CHD2: variants seen among roughly 807,000 people sequenced by gnomAD.
CHD2 encodes the protein chromodomain helicase DNA binding protein 2, also known as ATP-dependent chromatin remodeler CHD2.
A neutral mutation model predicts 243.9 loss-of-function variants in CHD2; 28 were observed. The observed-to-expected ratio is 0.11, with a 90% CI of 0.09 to 0.16. The LOEUF (loss-of-function observed/expected upper bound fraction) is 0.16, where lower values mean the gene tolerates loss of function less well. Among genes scored for constraint, CHD2 ranks in the 10% least tolerant of loss-of-function variants. CHD2 has a pLI of 1.00. For missense variants in CHD2, 1,386 were observed against 2,209.8 expected (o/e 0.63, Z 7.47); for synonymous variants, 775 against 779.0 (o/e 0.99, Z 0.09).
intron 6 of CHD2, among the ~76,000 whole-genome samples, chr15:92,938,097 A>G (rs1326035214): frequency 3.3e-5 from 5 of 152,242 alleles, no homozygotes; most frequent in Non-Finnish European, 7.3e-5. Flanking sequence ...GAGTCAGAAG[A>G]CAGGCCCCAG....
intron 13 of CHD2, among the ~76,000 whole-genome samples, chr15:92,952,545 A>G (rs1167344399): frequency 6.6e-6 from 1 of 152,190 alleles, no homozygotes; most frequent in East Asian, 1.9e-4. Context: ...GATCCCTCAC[A>G]TGTGTAGTTC....
intron 26 of CHD2, among the ~76,000 whole-genome samples, chr15:92,990,507 A>T (rs1354678001): frequency 6.6e-6 from 1 of 152,080 alleles, no homozygotes; most frequent in Non-Finnish European, 1.5e-5. Flanking sequence ...GTCATTTCGG[A>T]AGTGTTGTTA....
At chr15:92,913,499 A>G (rs1455416646) in intron 2 of CHD2, among the ~76,000 whole-genome samples, 1 of 152,190 alleles carries the variant, frequency 6.6e-6, no homozygotes, top group Non-Finnish European at 1.5e-5. Flanking sequence ...GCTCCCCAAC[A>G]TCCAAGAGTG....
chr15:92,967,645 C>A, intron 17 of CHD2, 132 bp downstream of exon 17: 1 of 538,220 alleles, frequency 1.9e-6, no homozygotes, highest in South Asian at 4.6e-5. Flanking sequence ...GCTGCCTCAG[C>A]CTACCGAGTA....
rs182871188 is a variant in CHD2, at chr15:92,964,093, T to G, written c.2001-3232T>G. ...TTTGGAAAAATGTCATATATCCTTC[T>G]TTTGTAATTGGAGAGAGGAACTTTC... is the stretch of plus-strand genomic sequence containing the variant. On this transcript the variant is annotated intron_variant, in intron 16 of 38. Coordinates refer to ENST00000394196, the MANE Select transcript of CHD2 (RefSeq NM_001271.4). 8.5e-5 allele frequency among the ~76,000 whole-genome samples: 13 copies of G among 152,370 alleles called. No homozygotes were observed. In the East Asian group the frequency reaches 2.3e-3, roughly 27 times the overall value.
chr15:92,905,266 G>A (rs1382025350), intron 2 of CHD2, among the ~76,000 whole-genome samples: 1 of 152,150 alleles, frequency 6.6e-6, no homozygotes, highest in Admixed American at 6.5e-5. Context: ...TCCATTTCGG[G>A]AATTCTGAGT....
Position 92,977,250 on chromosome 15 carries a change from C to A in CHD2, c.2578-984C>A, listed in dbSNP as rs544770624. 5.9e-5 allele frequency among the ~76,000 whole-genome samples: 9 copies of A among 152,278 alleles called. No individual in the cohort carries two copies. The East Asian group carries it at 1.5e-3, about 26-fold the overall frequency. On this transcript the variant is annotated intron_variant, in intron 20 of 38. Transcript: ENST00000394196. ...GCCTGGACACTCCTGTTGATCACTT[C>A]TTTATTGGAATTGTTTAATTAAAAT...
intron 16 of CHD2, among the ~76,000 whole-genome samples, chr15:92,960,720 T>G (rs1482538443): frequency 5.6e-5 from 8 of 143,774 alleles, no homozygotes; most frequent in Admixed American, 3.5e-4. Context: ...TTTTTTTTTT[T>G]TTTTTTTTTT....
intron 3 of CHD2, among the ~76,000 whole-genome samples, chr15:92,925,229 A>G (rs2053036632): frequency 6.6e-6 from 1 of 152,228 alleles, no homozygotes; most frequent in African/African-American, 2.4e-5. Flanking sequence ...TCCTAAAATG[A>G]GAACTTCTAA....
intron 26 of CHD2, among the ~76,000 whole-genome samples, chr15:92,989,157 G>C (rs1356173189): frequency 6.6e-6 from 1 of 150,482 alleles, no homozygotes; most frequent in Admixed American, 6.7e-5. Context: ...TCAGCCTCCC[G>C]AGTAGCTGGG....
At position 92,984,389 on chromosome 15, in the gene CHD2, C is replaced by T. The variant is rs150268140; in HGVS notation, c.3126C>T (p.Asp1042=). Residue 1042 remains aspartate, a synonymous_variant, in exon 25 of 39, where the codon GAC becomes GAT. Transcript: ENST00000394196. ...EEELEERPHK[D]WDEIIPEEQR... ...AGCTAGAAGAGCGTCCTCACAAGGACTGGGATGAGATCATTCCAGAGGAAC... is the reference window on the plus strand; with the variant it reads ...AGCTAGAAGAGCGTCCTCACAAGGATTGGGATGAGATCATTCCAGAGGAAC... 4.0e-3 allele frequency: 6,461 copies of T among 1,608,960 alleles called. 20 individuals carry two copies. Among genetic ancestry groups the T allele is most frequent in the Non-Finnish European group, 4.3e-3 (5,078 of 1,177,320 alleles).
chr15:92,928,958 C>A, intron 4 of CHD2, 72 bp from the exon 5 acceptor site: 1 of 1,407,688 alleles, frequency 7.1e-7, no homozygotes, highest in African/African-American at 1.4e-5. Flanking sequence ...ACTGTTGATC[C>A]AGGAGATAGT....
chr15:92,946,168 C>T lies in CHD2; in HGVS notation c.1329C>T (p.Ser443=). ...AGAAATTCCAGAATTGCATTGACAG[C>T]TTCCACAGTAGGAACAACTCAAAAA... ...IGKKFQNCID[S]FHSRNNSKTI... The change falls in exon 12 of 39, where the codon AGC becomes AGT. Residue 443 remains serine (S), a synonymous_variant. Transcript: ENST00000394196. 1 of 1,613,664 alleles carries T rather than the reference C, an allele frequency of 6.2e-7. No individual in the cohort carries two copies. The highest frequency in any genetic ancestry group is 1.1e-5 in the South Asian group (1 of 91,028).
chr15:92,979,483 T>A (rs1199161404), intron 22 of CHD2, among the ~76,000 whole-genome samples, 200 bp downstream of exon 22: 1 of 152,170 alleles, frequency 6.6e-6, no homozygotes, highest in African/African-American at 2.4e-5. Context: ...TTATGTGTTT[T>A]CCTCTCTTTC....
chr15:92,969,983 C>T (rs2053820161), intron 17 of CHD2, among the ~76,000 whole-genome samples: 1 of 151,740 alleles, frequency 6.6e-6, no homozygotes, highest in Non-Finnish European at 1.5e-5. Flanking sequence ...TTTTAAAGTA[C>T]TCAAGATAGT....
chr15:93,012,463 C>T lies in CHD2; in HGVS notation c.4692+19C>T, dbSNP rs2054405008. On this transcript the variant is annotated intron_variant, in intron 36 of 38. Transcript: ENST00000394196. ...AGAAGAGGTAAAGTACAAATTCAGT[C>T]CTAATTCATACAAACAAATACCAAT... 2.0e-6 allele frequency: 3 copies of T among 1,508,788 alleles called. No individual in the cohort carries two copies. Among genetic ancestry groups the T allele is most frequent in the Non-Finnish European group, 1.8e-6 (2 of 1,108,108 alleles). The allele number at this position is 1,508,788 out of a possible 1,614,324, so 93.5% of individuals were successfully genotyped here.
intron 28 of CHD2, 73 bp downstream of exon 28, chr15:92,993,071 T>C (rs967123883): frequency 7.5e-5 from 116 of 1,551,272 alleles, no homozygotes; most frequent in East Asian, 2.3e-5. Context: ...CTAAAGGGCG[T>C]TTTAAGGACA....
intron 38 of CHD2, among the ~76,000 whole-genome samples, chr15:93,023,547 A>T (rs984488909): frequency 6.6e-6 from 1 of 152,012 alleles, no homozygotes; most frequent in Non-Finnish European, 1.5e-5. Flanking sequence ...TATTAGTCAT[A>T]TTCTTTACGT....
chr15:92,927,217 T>A (rs1005056573), intron 3 of CHD2, 27 bp from the exon 4 acceptor site: 8 of 1,517,310 alleles, frequency 5.3e-6, no homozygotes, highest in South Asian at 1.1e-5. Context: ...AGAAAAAAGA[T>A]TAATGCGTGG....
Sources: allele counts gnomAD v4.1 joint callset (sites outside exome capture counted in the v4.1 genomes callset), GRCh38; gene constraint gnomAD v4.1.1; transcripts MANE v1.5; gene names NCBI Gene and HGNC (gene_info 2026-07-23, HGNC 2026-07-21).